The following ADAMTS3 variants were observed in gnomAD, a reference collection of about 807,000 sequenced individuals.
ADAMTS3 encodes the protein A disintegrin and metalloproteinase with thrombospondin motifs 3.
ADAMTS3 carries 73 observed loss-of-function variants against 129.0 expected under a neutral mutation model. The observed-to-expected ratio is 0.57, with a 90% CI of 0.47 to 0.69. The LOEUF is 0.69. Among genes scored for constraint, ADAMTS3 ranks in the 30% least tolerant of loss-of-function variants. The probability of loss-of-function intolerance (pLI) is 0.00; values close to 1 mark genes in which losing one functional copy is unlikely to be tolerated. For synonymous variants in ADAMTS3, 477 were observed against 510.8 expected (o/e 0.93, Z 0.89); for missense variants, 1,457 against 1,514.5 (o/e 0.96, Z 0.63).
At chr4:72,407,839 A>T (rs1056907896) in intron 4 of ADAMTS3, among the ~76,000 whole-genome samples, 15 of 144,606 alleles carry the variant, frequency 1.0e-4, no homozygotes, top group African/African-American at 3.8e-4. Flanking sequence ...TATACTTAGT[A>T]AGGTGCTGAA....
At chr4:72,396,031 G>A (rs1721716336) in intron 4 of ADAMTS3, among the ~76,000 whole-genome samples, 1 of 152,186 alleles carries the variant, frequency 6.6e-6, no homozygotes, top group South Asian at 2.1e-4. Context: ...GAGCTATCTG[G>A]ATGTAAAATT....
Position 72,313,811 on chromosome 4 carries a change from CT to C in ADAMTS3, c.1610del (p.Lys537ArgfsTer124). ...TAGCATTCTTCCACATGCAATGACC[CT>C]TATAGCACCACTTAGAAAAATGACA... ...TECAAGKWCYKGHCMWKNANQ... is the reference protein window; with the variant it reads ...TECAAGKWCYXGHCMWKNANQ... On this transcript the variant is annotated frameshift_variant, in exon 12 of 22. Transcript: ENST00000286657. LOFTEE classifies it high-confidence loss of function. 6.2e-7 allele frequency: 1 copy of C among 1,613,626 alleles called. No homozygotes were observed. Among genetic ancestry groups the C allele is most frequent in the Non-Finnish European group, 8.5e-7 (1 of 1,179,736 alleles).
chr4:72,324,200 G>A (rs568711623), intron 5 of ADAMTS3, among the ~76,000 whole-genome samples: 5 of 152,142 alleles, frequency 3.3e-5, no homozygotes, highest in Admixed American at 2.0e-4. Context: ...ATCTCATAGC[G>A]AGTGGCTTTA....
intron 4 of ADAMTS3, among the ~76,000 whole-genome samples, chr4:72,412,461 T>C (rs892373601): frequency 1.3e-5 from 2 of 151,994 alleles, no homozygotes; most frequent in Non-Finnish European, 2.9e-5. Context: ...TGAGAAGACT[T>C]GGCTCTCCAT....
At chr4:72,340,188 G>A (rs751577807) in intron 4 of ADAMTS3, among the ~76,000 whole-genome samples, 1 of 151,830 alleles carries the variant, frequency 6.6e-6, no homozygotes, top group Non-Finnish European at 1.5e-5. Flanking sequence ...ATTATAGCAG[G>A]GCAACACAAC....
At chr4:72,549,529 C>T (rs1721555375) in intron 2 of ADAMTS3, among the ~76,000 whole-genome samples, 2 of 152,096 alleles carry the variant, frequency 1.3e-5, no homozygotes, top group Non-Finnish European at 2.9e-5. Flanking sequence ...AAGTTGTACT[C>T]CTAAGCCCAT....
At chr4:72,456,353 AG>A (rs1560522811) in intron 3 of ADAMTS3, among the ~76,000 whole-genome samples, 3 of 133,556 alleles carry the variant, frequency 2.2e-5, no homozygotes, top group African/African-American at 3.3e-5. Context: ...TACTATATAT[AG>A]TATATAGTAT....
In ADAMTS3 at chr4:72,395,936, T is replaced by A. The variant is rs114273958; in HGVS notation, c.661+18879A>T. 1.0e-3 allele frequency among the ~76,000 whole-genome samples: 155 copies of A among 152,210 alleles called. 1 individual carries two copies. Among genetic ancestry groups the A allele is most frequent in the African/African-American group, 3.5e-3 (147 of 41,524 alleles). Reference sequence around the variant, plus strand: ...ATAGGTTTAGAAGCAGGAAAACAGTTTAGGATACTGCTGCAGTATTTGAAA... The same window carrying A: ...ATAGGTTTAGAAGCAGGAAAACAGTATAGGATACTGCTGCAGTATTTGAAA... On this transcript the variant is annotated intron_variant, in intron 4 of 21. Transcript: ENST00000286657.
At chr4:72,292,926 C>A (rs779939549) in intron 19 of ADAMTS3, among the ~76,000 whole-genome samples, 1 of 152,112 alleles carries the variant, frequency 6.6e-6, no homozygotes, top group Non-Finnish European at 1.5e-5. Flanking sequence ...TGATGACTCT[C>A]TTTTGAAGAC....
intron 3 of ADAMTS3, among the ~76,000 whole-genome samples, chr4:72,439,456 T>C (rs1718053772): frequency 6.6e-6 from 1 of 151,716 alleles, no homozygotes; most frequent in South Asian, 2.1e-4. Context: ...AGTCAAATAA[T>C]AGTCATCAGT....
chr4:72,557,362 A>T (rs1721793629), intron 2 of ADAMTS3, among the ~76,000 whole-genome samples: 1 of 151,760 alleles, frequency 6.6e-6, no homozygotes, highest in Non-Finnish European at 1.5e-5. Context: ...GGGGAATGGT[A>T]CACATCTTCC....
intron 3 of ADAMTS3, among the ~76,000 whole-genome samples, chr4:72,439,945 T>G (rs887756420): frequency 6.6e-6 from 1 of 151,804 alleles, no homozygotes; most frequent in Admixed American, 6.6e-5. Context: ...ACAAATTCAC[T>G]GAGATGGTTA....
intron 3 of ADAMTS3, among the ~76,000 whole-genome samples, chr4:72,472,401 G>A (rs1180134681): frequency 1.3e-5 from 2 of 151,950 alleles, no homozygotes. Flanking sequence ...ATTCACTGTA[G>A]GTTTATACAG....
intron 4 of ADAMTS3, among the ~76,000 whole-genome samples, chr4:72,403,157 T>G (rs10518102): frequency 0.83 from 125,875 of 151,940 alleles, 54,543 homozygotes; most frequent in Middle Eastern, 0.97. Context: ...TGCCAAGAAT[T>G]GAAGAAGACT....
At chr4:72,415,078 C>T (rs1722271889) in intron 3 of ADAMTS3, 107 bp from the exon 4 acceptor site, 5 of 839,560 alleles carry the variant, frequency 6.0e-6, no homozygotes, top group Non-Finnish European at 6.6e-6. Flanking sequence ...AAAACTAACG[C>T]TTTTTCTTTC....
intron 4 of ADAMTS3, among the ~76,000 whole-genome samples, chr4:72,407,398 G>T (rs939833693): frequency 7.2e-5 from 11 of 152,112 alleles, no homozygotes; most frequent in Non-Finnish European, 1.3e-4. Flanking sequence ...ACCTTTTGGT[G>T]AGACAAGAAC....
chr4:72,419,320 T>C (rs1722385057), intron 3 of ADAMTS3, among the ~76,000 whole-genome samples: 1 of 152,148 alleles, frequency 6.6e-6, no homozygotes, highest in Non-Finnish European at 1.5e-5. Context: ...CCATCAAAAT[T>C]GCTCGCACAA....
intron 4 of ADAMTS3, among the ~76,000 whole-genome samples, chr4:72,370,029 G>A (rs1720964905): frequency 1.3e-5 from 2 of 152,090 alleles, no homozygotes; most frequent in African/African-American, 4.8e-5. Context: ...GTTGTTTCTG[G>A]GAAATCTCTA....
chr4:72,495,742 G>A (rs1719858783), intron 3 of ADAMTS3, among the ~76,000 whole-genome samples: 1 of 151,606 alleles, frequency 6.6e-6, no homozygotes, highest in Admixed American at 6.6e-5. Context: ...TATATTAAAT[G>A]TGCTGCCAAC....
Sources: allele counts gnomAD v4.1 joint callset (sites outside exome capture counted in the v4.1 genomes callset), GRCh38; gene constraint gnomAD v4.1.1; transcripts MANE v1.5; gene names NCBI Gene and HGNC (gene_info 2026-07-23, HGNC 2026-07-21).